Variants in CEP83 observed in about 807,000 individuals in gnomAD.
The protein encoded by CEP83 is centrosomal protein 83.
CEP83 carries 70 observed loss-of-function variants against 101.9 expected under a neutral mutation model. That is an observed-to-expected ratio of 0.69 (90% CI 0.57 to 0.84). CEP83 has a LOEUF of 0.84. Among genes scored for constraint, CEP83 ranks in the 40% least tolerant of loss-of-function variants. CEP83 has a pLI of 0.00. For synonymous variants in CEP83, 264 were observed against 267.9 expected, an observed-to-expected ratio of 0.99 and a Z score of 0.14; for missense variants, 715 against 787.2, an observed-to-expected ratio of 0.91 and a Z score of 1.10.
chr12:94,426,728 G>A (rs2065229076), intron 2 of CEP83, among the ~76,000 whole-genome samples: 1 of 152,146 alleles, frequency 6.6e-6, no homozygotes, highest in Non-Finnish European at 1.5e-5. Flanking sequence ...GGCTTATGCT[G>A]GATTATGTAT....
At chr12:94,347,944 C>A (rs913687616) in intron 11 of CEP83, among the ~76,000 whole-genome samples, 2 of 151,790 alleles carry the variant, frequency 1.3e-5, no homozygotes, top group Non-Finnish European at 2.9e-5. Context: ...ACTATAGAAA[C>A]TTTTTAAGGG....
At chr12:94,435,544 C>G (rs1309483136) in intron 1 of CEP83, among the ~76,000 whole-genome samples, 2 of 152,196 alleles carry the variant, frequency 1.3e-5, no homozygotes, top group African/African-American at 2.4e-5. Context: ...GACATGAACT[C>G]TCGGGAGCTC....
At chr12:94,275,833 C>T in the CEP83 span, among the ~76,000 whole-genome samples, 140 of 66,500 alleles carry the variant, frequency 2.1e-3, 19 homozygotes, top group African/African-American at 8.9e-3. Context: ...CCAGCCTGGG[C>T]GACAGAGCGA....
chr12:94,348,999 A>T (rs1593316018), intron 11 of CEP83, among the ~76,000 whole-genome samples: 3 of 151,988 alleles, frequency 2.0e-5, no homozygotes, highest in African/African-American at 7.3e-5. Flanking sequence ...GTGTTTGTCT[A>T]ATCCCACCAG....
intron 15 of CEP83, among the ~76,000 whole-genome samples, chr12:94,312,311 A>T (rs367826023): frequency 2.6e-5 from 4 of 152,304 alleles, no homozygotes; most frequent in African/African-American, 7.2e-5. Context: ...TCACTGCATG[A>T]TATTATAGGC....
chr12:94,400,851 T>C lies in CEP83; in HGVS notation c.548A>G (p.Glu183Gly). 1.4e-6 allele frequency: 2 copies of C among 1,458,440 alleles called. No homozygotes were observed. The highest frequency in any genetic ancestry group is 2.5e-5 in the East Asian group (1 of 39,226). The allele number at this position is 1,458,440 out of a possible 1,614,324, so 90.3% of individuals were successfully genotyped here. A position where few individuals can be genotyped will look rare whatever the true frequency, so the allele number is the denominator to read the frequency against. The change falls in exon 6 of 17, where the codon GAG (glutamate) becomes GGG (glycine). Residue 183 changes from glutamate (E) to glycine (G), a missense_variant and splice_region_variant. By Grantham distance (98) the Glu-to-Gly change is moderately conservative. Coordinates refer to ENST00000397809, the MANE Select transcript of CEP83 (RefSeq NM_016122.3). Reference sequence around the variant, plus strand: ...AAACTCGTATAATCAATCACTTACCTCTGATTCATATTTTATTTTTCCTTC... The same window carrying C: ...AAACTCGTATAATCAATCACTTACCCCTGATTCATATTTTATTTTTCCTTC... ...LDEGKIKYES[E>G]IARLEEDKEE...
intron 13 of CEP83, among the ~76,000 whole-genome samples, chr12:94,332,839 TG>T (rs1415648599): frequency 6.6e-6 from 1 of 151,882 alleles, no homozygotes; most frequent in African/African-American, 2.4e-5. Context: ...AGAAGAAATT[TG>T]AAAAGAATAA....
chr12:94,318,252 A>G (rs1355516574), intron 14 of CEP83, among the ~76,000 whole-genome samples: 1 of 152,208 alleles, frequency 6.6e-6, no homozygotes, highest in Non-Finnish European at 1.5e-5. Flanking sequence ...TGATTTTTGT[A>G]CATTGAGTTT....
chr12:94,378,767 A>G (rs1052420122), intron 7 of CEP83, 24 bp downstream of exon 7: 3 of 1,612,730 alleles, frequency 1.9e-6, no homozygotes, highest in African/African-American at 2.7e-5. Flanking sequence ...GCCATACTCT[A>G]CTGGGAAGTA....
intron 5 of CEP83, 118 bp downstream of exon 5, chr12:94,403,052 G>A (rs943218041): frequency 3.4e-5 from 20 of 593,172 alleles, no homozygotes; most frequent in Non-Finnish European, 5.9e-5. Flanking sequence ...AGAGGCCACT[G>A]CAATGACTGA....
intron 8 of CEP83, among the ~76,000 whole-genome samples, chr12:94,372,582 G>A (rs910888979): frequency 3.9e-5 from 6 of 152,086 alleles, no homozygotes; most frequent in African/African-American, 1.4e-4. Context: ...TGCATGAGGT[G>A]GAAAATTAGA....
intron 6 of CEP83, among the ~76,000 whole-genome samples, chr12:94,398,695 C>T (rs1025674991): frequency 6.6e-6 from 1 of 152,060 alleles, no homozygotes; most frequent in African/African-American, 2.4e-5. Flanking sequence ...CGGGGTCAGA[C>T]AAAATAGAGC....
At chr12:94,283,589 A>G in the CEP83 span, among the ~76,000 whole-genome samples, 2 of 152,170 alleles carry the variant, frequency 1.3e-5, no homozygotes, top group South Asian at 4.1e-4. Flanking sequence ...AGTCTCCCTG[A>G]GCGTTCAGGG....
At chr12:94,451,298 CAAAA>C (rs746464198) in intron 1 of CEP83, among the ~76,000 whole-genome samples, 2 of 151,946 alleles carry the variant, frequency 1.3e-5, no homozygotes, top group Non-Finnish European at 2.9e-5. Flanking sequence ...GCCACACACA[CAAAA>C]GAAATGACTT....
At chr12:94,347,912 T>C (rs2060014305) in intron 11 of CEP83, among the ~76,000 whole-genome samples, 1 of 152,106 alleles carries the variant, frequency 6.6e-6, no homozygotes, top group African/African-American at 2.4e-5. Context: ...TTATTTTAGG[T>C]ACATTAAATG....
At chr12:94,267,463 AT>A in the CEP83 span, among the ~76,000 whole-genome samples, 5 of 151,918 alleles carry the variant, frequency 3.3e-5, no homozygotes, top group African/African-American at 4.8e-5. Flanking sequence ...GACTCTTGAA[AT>A]TTTTTTTTCT....
At chr12:94,432,190 G>A (rs2065683064) in intron 2 of CEP83, among the ~76,000 whole-genome samples, 1 of 151,702 alleles carries the variant, frequency 6.6e-6, no homozygotes, top group African/African-American at 2.4e-5. Flanking sequence ...GAGTAGCTGG[G>A]ACTACAGGCA....
chr12:94,352,707 A>G (rs1242492073), intron 11 of CEP83, among the ~76,000 whole-genome samples: 1 of 152,122 alleles, frequency 6.6e-6, no homozygotes, highest in Admixed American at 6.5e-5. Flanking sequence ...AAAATTAAAA[A>G]TACAATCAAG....
intron 2 of CEP83, among the ~76,000 whole-genome samples, chr12:94,420,461 T>C (rs553390900): frequency 6.9e-4 from 105 of 152,208 alleles, no homozygotes; most frequent in Non-Finnish European, 1.3e-3. Flanking sequence ...AAGCTATAGA[T>C]CAAGTTTGTC....
Sources: gnomAD v4.1 joint callset for allele counts (sites outside exome capture counted in the v4.1 genomes callset) on GRCh38, gnomAD v4.1.1 for gene constraint, MANE v1.5 for transcripts, NCBI Gene and HGNC (gene_info 2026-07-23, HGNC 2026-07-21) for gene names.